Variants in COL25A1 observed in about 807,000 individuals in gnomAD.
The protein encoded by COL25A1 is collagen alpha-1(XXV) chain.
Under a neutral mutation model 128.4 loss-of-function variants are expected in COL25A1, and 103 were observed. The observed-to-expected ratio is 0.80, with a 90% CI of 0.68 to 0.94. COL25A1 has a LOEUF of 0.94. COL25A1 is among the 40% of genes least tolerant of loss of function. The pLI, the probability that COL25A1 is intolerant of heterozygous loss-of-function variation, is 0.00. For missense variants in COL25A1, 745 were observed against 840.0 expected (o/e 0.89, Z 1.40); for synonymous variants, 279 against 277.2 (o/e 1.01, Z -0.06).
chr4:109,173,694 A>C (rs1010415836), intron 3 of COL25A1, among the ~76,000 whole-genome samples: 2 of 152,210 alleles, frequency 1.3e-5, no homozygotes, highest in East Asian at 3.8e-4. Context: ...TTATATGTCA[A>C]TAATTATATT....
At chr4:109,224,748 G>T (rs7662008) in intron 3 of COL25A1, among the ~76,000 whole-genome samples, 13,193 of 151,882 alleles carry the variant, frequency 0.087, 1,192 homozygotes, top group African/African-American at 0.23. Flanking sequence ...GAGATCAGCC[G>T]GACCAACATG....
At chr4:109,098,456 T>C (rs1162514599) in intron 3 of COL25A1, among the ~76,000 whole-genome samples, 1 of 152,208 alleles carries the variant, frequency 6.6e-6, no homozygotes, top group Admixed American at 6.5e-5. Flanking sequence ...AGACTTTGGA[T>C]AAGATAAAGC....
intron 8 of COL25A1, among the ~76,000 whole-genome samples, chr4:108,954,665 A>T (rs1260191972): frequency 6.6e-6 from 1 of 151,776 alleles, no homozygotes; most frequent in Non-Finnish European, 1.5e-5. Context: ...TTAATATTCC[A>T]TTTATCAAAG....
At chr4:108,994,293 A>G (rs994369541) in intron 6 of COL25A1, among the ~76,000 whole-genome samples, 5 of 152,246 alleles carry the variant, frequency 3.3e-5, no homozygotes, top group African/African-American at 1.2e-4. Context: ...CTGGCAGAAC[A>G]GAAGATACTC....
intron 3 of COL25A1, among the ~76,000 whole-genome samples, chr4:109,220,636 T>C (rs1778344489): frequency 6.6e-6 from 1 of 152,184 alleles, no homozygotes; most frequent in African/African-American, 2.4e-5. Context: ...ATTTTGCTAT[T>C]AAAATCAAAT....
chr4:108,843,889 C>CTATTATTAT (rs5860951), intron 30 of COL25A1, among the ~76,000 whole-genome samples: 1 of 149,320 alleles, frequency 6.7e-6, no homozygotes. Context: ...GCTATTATTA[C>CTATTATTAT]TATTATTATT....
chr4:109,147,497 T>A (rs1771053781), intron 3 of COL25A1, among the ~76,000 whole-genome samples: 1 of 152,178 alleles, frequency 6.6e-6, no homozygotes, highest in Non-Finnish European at 1.5e-5. Context: ...TTCATTTTAT[T>A]CTGGGTCTAT....
At chr4:108,995,522 G>A (rs1300110576) in intron 6 of COL25A1, among the ~76,000 whole-genome samples, 6 of 152,150 alleles carry the variant, frequency 3.9e-5, no homozygotes, top group African/African-American at 1.4e-4. Flanking sequence ...CGGGGAGAAT[G>A]GAACCAAATT....
At chr4:109,187,517 T>G (rs1439201320) in intron 3 of COL25A1, among the ~76,000 whole-genome samples, 5 of 152,212 alleles carry the variant, frequency 3.3e-5, no homozygotes, top group Non-Finnish European at 7.3e-5. Flanking sequence ...AGAATTAAAT[T>G]AGTTAATAAA....
At chr4:108,914,218 G>A (rs1744598243) in intron 13 of COL25A1, among the ~76,000 whole-genome samples, 1 of 152,142 alleles carries the variant, frequency 6.6e-6, no homozygotes, top group Non-Finnish European at 1.5e-5. Context: ...CATGGGGGAT[G>A]GGGGACTTTT....
At chr4:108,886,473 TGTGTGTGTGTGTGTGTG>T (rs1560806208) in intron 18 of COL25A1, among the ~76,000 whole-genome samples, 6 of 126,554 alleles carry the variant, frequency 4.7e-5, no homozygotes, top group Non-Finnish European at 8.3e-5. Context: ...TGTGTGTGTG[TGTGTGTGTGTGTGTGTG>T]TGTTTAGCTC....
At chr4:108,970,646 T>G (rs2125984515) in intron 8 of COL25A1, among the ~76,000 whole-genome samples, 1 of 152,304 alleles carries the variant, frequency 6.6e-6, no homozygotes, top group Middle Eastern at 3.4e-3. Flanking sequence ...ACAGTAGATC[T>G]GTTGAACTTA....
intron 3 of COL25A1, among the ~76,000 whole-genome samples, chr4:109,191,900 C>T (rs943103768): frequency 6.6e-6 from 1 of 152,146 alleles, no homozygotes; most frequent in Non-Finnish European, 1.5e-5. Context: ...TAAGAGCCAT[C>T]TAAATTACTG....
At chr4:109,001,372 C>CAGGCATCTGAGATCCTGTCGGGT (rs1755352139) in intron 6 of COL25A1, among the ~76,000 whole-genome samples, 6 of 24,228 alleles carry the variant, frequency 2.5e-4, no homozygotes, top group East Asian at 1.6e-3. Context: ...TTAAAAGAAA[C>CAGGCATCTGAGATCCTGTCGGGT]AGGCATCTGA....
At chr4:109,212,242 G>A (rs565450210) in intron 3 of COL25A1, among the ~76,000 whole-genome samples, 1 of 152,186 alleles carries the variant, frequency 6.6e-6, no homozygotes, top group South Asian at 2.1e-4. Flanking sequence ...GGTTACAGAT[G>A]ATGGCTAAGA....
chr4:109,185,681 G>A (rs374839015), intron 3 of COL25A1, among the ~76,000 whole-genome samples: 2 of 152,120 alleles, frequency 1.3e-5, no homozygotes, highest in Non-Finnish European at 1.5e-5. Context: ...CAATAATTAT[G>A]GTTAAATGAG....
At chr4:109,097,092 T>A (rs1284684807) in intron 3 of COL25A1, among the ~76,000 whole-genome samples, 1 of 152,236 alleles carries the variant, frequency 6.6e-6, no homozygotes, top group East Asian at 1.9e-4. Context: ...CGTGTTATGC[T>A]GGCTCAAGTA....
intron 5 of COL25A1, among the ~76,000 whole-genome samples, chr4:109,020,889 T>G (rs1253837494): frequency 6.6e-6 from 1 of 152,254 alleles, no homozygotes; most frequent in Non-Finnish European, 1.5e-5. Context: ...TGTTTATGTC[T>G]TTGTATATAC....
At chr4:109,048,057 A>G in intron 5 of COL25A1, 111 bp downstream of exon 5, 1 of 1,225,584 alleles carries the variant, frequency 8.2e-7, no homozygotes, top group Non-Finnish European at 1.2e-6. Flanking sequence ...TTAAAAGGTC[A>G]GTAACATTTT....
Sources: allele counts gnomAD v4.1 joint callset (sites outside exome capture counted in the v4.1 genomes callset), GRCh38; gene constraint gnomAD v4.1.1; transcripts MANE v1.5; gene names NCBI Gene and HGNC (gene_info 2026-07-23, HGNC 2026-07-21).